CATSPERB: variants seen among roughly 807,000 people sequenced by gnomAD.
CATSPERB encodes the protein cation channel sperm-associated auxiliary subunit beta.
Under a neutral mutation model 128.3 loss-of-function variants are expected in CATSPERB, and 93 were observed. The observed-to-expected ratio is 0.72, with a 90% CI of 0.61 to 0.86. The LOEUF (loss-of-function observed/expected upper bound fraction) is 0.86. Ranked by LOEUF, CATSPERB falls within the 40% of genes least tolerant of loss-of-function variation. CATSPERB has a pLI of 0.00. For synonymous variants in CATSPERB, 381 were observed against 448.8 expected (o/e 0.85, Z 1.91); for missense variants, 1,153 against 1,329.5 (o/e 0.87, Z 2.06).
chr14:91,596,918 G>A (rs1044134648), intron 22 of CATSPERB, among the ~76,000 whole-genome samples: 12 of 149,816 alleles, frequency 8.0e-5, no homozygotes, highest in African/African-American at 2.5e-4. Flanking sequence ...ACAGAGTCTC[G>A]CACTGTCACC....
At position 91,636,231 on chromosome 14, in the gene CATSPERB, T is replaced by C. The variant is rs1894371352; in HGVS notation, c.1742+194A>G. ...TACAAAACTTAGCCGGGCTTGGTGGTGTGTGCCTGCAGTCCCAGCTATTCT... is the reference window on the plus strand; with the variant it reads ...TACAAAACTTAGCCGGGCTTGGTGGCGTGTGCCTGCAGTCCCAGCTATTCT... On this transcript the variant is annotated intron_variant, in intron 17 of 26. Coordinates refer to ENST00000256343, the MANE Select transcript of CATSPERB (RefSeq NM_024764.4). 1.5e-5 allele frequency: 8 copies of C among 519,260 alleles called. No homozygotes were observed. In the East Asian group the frequency reaches 2.3e-4, roughly 15 times the overall value. The allele number at this position is 519,260 out of a possible 1,614,324, so 32.2% of individuals were successfully genotyped here.
chr14:91,599,476 G>A (rs1261726670), intron 22 of CATSPERB, among the ~76,000 whole-genome samples: 2 of 146,086 alleles, frequency 1.4e-5, no homozygotes. Flanking sequence ...GGAGAATGGC[G>A]TGAACCTGGG....
At chr14:91,608,476 C>A in intron 21 of CATSPERB, 72 bp from the exon 22 acceptor site, 4 of 937,228 alleles carry the variant, frequency 4.3e-6, no homozygotes, top group South Asian at 1.6e-5. Context: ...TCTTGACTTT[C>A]TAGAAAACCA....
rs1223030700 is a variant in CATSPERB, at chr14:91,643,997, T to A, written c.1433-4747A>T. Among the ~76,000 whole-genome samples, 3 of 139,312 alleles carry A rather than the reference T, an allele frequency of 2.2e-5. 1 individual carries two copies. The highest frequency in any genetic ancestry group is 4.7e-5 in the Non-Finnish European group (3 of 63,220). The allele number at this position is 139,312 out of a possible 152,430, so 91.4% of individuals were successfully genotyped here. ...CTTTGTCTCTTTTGATCCTTGTTGG[T>A]TTAAAGTCTGTTTTATCAGAGACTA... On this transcript the variant is annotated intron_variant, in intron 15 of 26. Transcript: ENST00000256343.
In CATSPERB at chr14:91,708,264, A is replaced by G. The variant is rs116892373; in HGVS notation, c.371-28T>C. The G allele has an allele frequency of 1.9e-5, 27 of 1,410,332 alleles. No homozygotes were observed. In the East Asian group the frequency reaches 6.3e-4, roughly 33 times the overall value. The allele number at this position is 1,410,332 out of a possible 1,614,324, so 87.4% of individuals were successfully genotyped here. On this transcript the variant is annotated intron_variant, in intron 5 of 26. Transcript: ENST00000256343. The stretch of plus-strand genomic sequence containing the variant: ...GTTTGAAAACAAAAGGCAAATAATC[A>G]ACTATTTTTTCATATGTTGTGTTTG...
At chr14:91,699,070 A>G (rs544363319) in intron 7 of CATSPERB, among the ~76,000 whole-genome samples, 29 of 152,296 alleles carry the variant, frequency 1.9e-4, no homozygotes, top group East Asian at 1.5e-3. Flanking sequence ...ATTCCATGGT[A>G]TATGTATGCC....
chr14:91,636,855 A>C (rs1369677719), intron 16 of CATSPERB, among the ~76,000 whole-genome samples: 1 of 152,144 alleles, frequency 6.6e-6, no homozygotes, highest in Non-Finnish European at 1.5e-5. Context: ...GTACATGGAA[A>C]CTTGACTCAC....
chr14:91,675,695 C>T (rs1449257604), intron 11 of CATSPERB, among the ~76,000 whole-genome samples: 3 of 152,118 alleles, frequency 2.0e-5, no homozygotes, highest in Admixed American at 6.5e-5. Context: ...TACATTTGGG[C>T]CCTTATCTAC....
At chr14:91,674,095 A>AT (rs1895149860) in intron 12 of CATSPERB, 81 bp downstream of exon 12, 4 of 806,346 alleles carry the variant, frequency 5.0e-6, no homozygotes, top group Admixed American at 2.5e-5. Context: ...TAGAATTGCC[A>AT]TTTTTTAGAT....
chr14:91,700,046 T>A (rs923634768), intron 7 of CATSPERB, among the ~76,000 whole-genome samples: 3 of 152,060 alleles, frequency 2.0e-5, no homozygotes, highest in Non-Finnish European at 4.4e-5. Flanking sequence ...AACCCATCAT[T>A]TACATTAGAT....
intron 7 of CATSPERB, among the ~76,000 whole-genome samples, chr14:91,704,320 G>A (rs536990606): frequency 6.6e-6 from 1 of 152,236 alleles, no homozygotes; most frequent in Non-Finnish European, 1.5e-5. Context: ...ATGAAATTAG[G>A]AGACACACTA....
chr14:91,625,171 C>A (rs1894136123), intron 17 of CATSPERB, among the ~76,000 whole-genome samples, 164 bp from the exon 18 acceptor site: 1 of 152,172 alleles, frequency 6.6e-6, no homozygotes, highest in Admixed American at 6.5e-5. Context: ...GCAATTATAA[C>A]AATGGGATAC....
intron 2 of CATSPERB, among the ~76,000 whole-genome samples, chr14:91,727,179 A>G (rs1566742587): frequency 6.6e-6 from 1 of 152,222 alleles, no homozygotes; most frequent in Non-Finnish European, 1.5e-5. Flanking sequence ...TTACAAAAGT[A>G]TATTTTGTAT....
At chr14:91,616,919 T>C (rs1893950197) in intron 20 of CATSPERB, among the ~76,000 whole-genome samples, 1 of 152,002 alleles carries the variant, frequency 6.6e-6, no homozygotes, top group Non-Finnish European at 1.5e-5. Context: ...TATTTTTGTA[T>C]TTTTAGTAGA....
At chr14:91,699,527 C>T (rs1264828915) in intron 7 of CATSPERB, among the ~76,000 whole-genome samples, 1 of 151,764 alleles carries the variant, frequency 6.6e-6, no homozygotes, top group East Asian at 1.9e-4. Flanking sequence ...ATATGTTGAA[C>T]CAATTTTGCA....
chr14:91,722,237 C>T (rs1201561033), intron 4 of CATSPERB, among the ~76,000 whole-genome samples: 1 of 152,096 alleles, frequency 6.6e-6, no homozygotes, highest in Non-Finnish European at 1.5e-5. Flanking sequence ...AATTTTCACA[C>T]AAATGTTCAC....
chr14:91,727,228 A>G (rs968614117), intron 2 of CATSPERB, among the ~76,000 whole-genome samples: 2 of 152,170 alleles, frequency 1.3e-5, no homozygotes, highest in Non-Finnish European at 2.9e-5. Context: ...TCTCCCAGGT[A>G]GTGAGCACAG....
At chr14:91,689,242 G>A (rs1355920779) in intron 10 of CATSPERB, among the ~76,000 whole-genome samples, 1 of 152,174 alleles carries the variant, frequency 6.6e-6, no homozygotes, top group African/African-American at 2.4e-5. Context: ...GCGGAGCTCT[G>A]CCAGCCAAAC....
intron 7 of CATSPERB, among the ~76,000 whole-genome samples, chr14:91,700,531 C>G (rs1240204849): frequency 6.6e-6 from 1 of 152,050 alleles, no homozygotes; most frequent in African/African-American, 2.4e-5. Context: ...GTGAATTCAT[C>G]TGGTCCAGGG....
Sources: allele counts gnomAD v4.1 joint callset (sites outside exome capture counted in the v4.1 genomes callset), GRCh38; gene constraint gnomAD v4.1.1; transcripts MANE v1.5; gene names NCBI Gene and HGNC (gene_info 2026-07-23, HGNC 2026-07-21).